Variants in KCNT2 observed in about 807,000 individuals in gnomAD.
KCNT2 encodes potassium sodium-activated channel subfamily T member 2.
A neutral mutation model predicts 153.8 loss-of-function variants in KCNT2; 67 were observed. That is an observed-to-expected ratio of 0.44 (90% CI 0.36 to 0.53). The LOEUF is 0.53. KCNT2 is among the 20% of genes least tolerant of loss of function. The pLI, the probability that KCNT2 is intolerant of heterozygous loss-of-function variation, is 0.00. For missense variants in KCNT2, 975 were observed against 1,354.8 expected (o/e 0.72, Z 4.40); for synonymous variants, 500 against 458.8 (o/e 1.09, Z -1.15).
intron 8 of KCNT2, among the ~76,000 whole-genome samples, chr1:196,437,808 A>G (rs1674859302): frequency 6.6e-6 from 1 of 151,484 alleles, no homozygotes; most frequent in Non-Finnish European, 1.5e-5. Context: ...ACATTTATTC[A>G]TACAAATAAA....
intron 1 of KCNT2, among the ~76,000 whole-genome samples, chr1:196,496,648 A>T (rs1273368473): frequency 6.6e-6 from 1 of 152,168 alleles, no homozygotes; most frequent in Non-Finnish European, 1.5e-5. Context: ...TTCAAGAAAG[A>T]TTAGTGAAAA....
intron 2 of KCNT2, among the ~76,000 whole-genome samples, chr1:196,491,261 TGAAC>T (rs1679838676): frequency 6.6e-6 from 1 of 152,032 alleles, no homozygotes; most frequent in Non-Finnish European, 1.5e-5. Flanking sequence ...TTGGATATTC[TGAAC>T]AACCATGTTA....
chr1:196,301,398 G>A (rs1304877323), intron 22 of KCNT2, among the ~76,000 whole-genome samples: 1 of 152,048 alleles, frequency 6.6e-6, no homozygotes, highest in Non-Finnish European at 1.5e-5. Context: ...CCTTTTGTGA[G>A]TTTCAGCAAA....
intron 17 of KCNT2, among the ~76,000 whole-genome samples, chr1:196,332,877 T>G (rs971393887): frequency 7.9e-5 from 12 of 151,210 alleles, no homozygotes; most frequent in Non-Finnish European, 4.4e-5. Flanking sequence ...CTCCACCTCC[T>G]GCGTTCAAGT....
At chr1:196,462,861 G>A (rs1381885780) in intron 8 of KCNT2, among the ~76,000 whole-genome samples, 4 of 150,782 alleles carry the variant, frequency 2.7e-5, no homozygotes, top group Non-Finnish European at 1.5e-5. Flanking sequence ...TTTCTTTTTT[G>A]TGTGATAGTA....
intron 1 of KCNT2, among the ~76,000 whole-genome samples, chr1:196,594,686 T>C (rs1034598322): frequency 6.6e-6 from 1 of 152,078 alleles, no homozygotes; most frequent in African/African-American, 2.4e-5. Context: ...TTTCAAAATG[T>C]CATTAATAAC....
At chr1:196,547,205 A>G (rs1657221115) in intron 1 of KCNT2, among the ~76,000 whole-genome samples, 1 of 151,976 alleles carries the variant, frequency 6.6e-6, no homozygotes, top group South Asian at 2.1e-4. Context: ...TCAAAATTAA[A>G]AACTCAGGAT....
At chr1:196,600,373 AGGT>A (rs1664585417) in intron 1 of KCNT2, among the ~76,000 whole-genome samples, 1 of 152,254 alleles carries the variant, frequency 6.6e-6, no homozygotes, top group Admixed American at 6.5e-5. Context: ...GGAGAGATGG[AGGT>A]GGTTGGCTGC....
intron 8 of KCNT2, among the ~76,000 whole-genome samples, chr1:196,441,123 A>C (rs979066727): frequency 1.6e-4 from 24 of 151,960 alleles, no homozygotes; most frequent in African/African-American, 5.8e-4. Context: ...AACTCATTAA[A>C]AAAATTGACA....
intron 13 of KCNT2, among the ~76,000 whole-genome samples, chr1:196,389,373 TC>T (rs1305275686): frequency 6.6e-6 from 1 of 151,654 alleles, no homozygotes; most frequent in Non-Finnish European, 1.5e-5. Context: ...TTTTTTCTCC[TC>T]TCCTTTATTT....
chr1:196,536,744 A>ACACTATC (rs1655629342), intron 1 of KCNT2, among the ~76,000 whole-genome samples: 1 of 152,164 alleles, frequency 6.6e-6, no homozygotes, highest in Admixed American at 6.5e-5. Context: ...CCATACGACA[A>ACACTATC]CTGCAGCCTA....
chr1:196,280,992 T>C lies in KCNT2; in HGVS notation c.2782-4A>G. ...AGTCATCTGCAGTGATTTTCATCTA[T>C]AACACACACAAATTATTTACATATT... On this transcript the variant is annotated splice_region_variant and splice_polypyrimidine_tract_variant and intron_variant, in intron 24 of 27. Transcript: ENST00000294725. The C allele has an allele frequency of 1.2e-6, 2 of 1,601,460 alleles. No homozygotes were observed. Among genetic ancestry groups the C allele is most frequent in the Non-Finnish European group, 8.5e-7 (1 of 1,170,708 alleles).
At chr1:196,608,129 T>C in intron 1 of KCNT2, 86 bp downstream of exon 1, 5 of 1,221,932 alleles carry the variant, frequency 4.1e-6, no homozygotes, top group Non-Finnish European at 6.1e-6. Context: ...GTTTTCCTTT[T>C]CTCCCTCCTT....
chr1:196,564,743 T>A (rs989626307), intron 1 of KCNT2, among the ~76,000 whole-genome samples: 6 of 151,868 alleles, frequency 4.0e-5, no homozygotes, highest in African/African-American at 1.4e-4. Context: ...GGACACACAA[T>A]GGAGAAAGGA....
chr1:196,515,483 C>A (rs1681973260), intron 1 of KCNT2, among the ~76,000 whole-genome samples: 1 of 152,104 alleles, frequency 6.6e-6, no homozygotes, highest in Admixed American at 6.5e-5. Context: ...TTAACATTAA[C>A]AAGGAAGATG....
intron 1 of KCNT2, among the ~76,000 whole-genome samples, chr1:196,495,085 G>C (rs966495461): frequency 2.6e-5 from 4 of 151,804 alleles, no homozygotes; most frequent in Non-Finnish European, 5.9e-5. Context: ...AACTCTTAAT[G>C]AATCTGGCGA....
chr1:196,585,713 A>G (rs1206189480), intron 1 of KCNT2, among the ~76,000 whole-genome samples: 1 of 152,142 alleles, frequency 6.6e-6, no homozygotes, highest in African/African-American at 2.4e-5. Flanking sequence ...AAAAAAGAAA[A>G]GGACATTCAC....
chr1:196,424,960 G>C (rs556468720), intron 11 of KCNT2, among the ~76,000 whole-genome samples: 1 of 149,510 alleles, frequency 6.7e-6, no homozygotes, highest in African/African-American at 2.4e-5. Flanking sequence ...GGTTATCCAG[G>C]AAAGAAAAAA....
At chr1:196,446,186 AT>A (rs1557945289) in intron 8 of KCNT2, among the ~76,000 whole-genome samples, 1 of 151,392 alleles carries the variant, frequency 6.6e-6, no homozygotes, top group Non-Finnish European at 1.5e-5. Context: ...TCTACTCTGT[AT>A]TTTTTTCAAA....
Sources: allele counts gnomAD v4.1 joint callset (sites outside exome capture counted in the v4.1 genomes callset), GRCh38; gene constraint gnomAD v4.1.1; transcripts MANE v1.5; gene names NCBI Gene and HGNC (gene_info 2026-07-23, HGNC 2026-07-21).